Variants in PRKACB observed in about 807,000 individuals in gnomAD.
PRKACB encodes cAMP-dependent protein kinase catalytic subunit beta.
Under a neutral mutation model 51.4 loss-of-function variants are expected in PRKACB, and 16 were observed. The observed-to-expected ratio is 0.31, with a 90% CI of 0.21 to 0.47. The LOEUF is 0.47. Ranked by LOEUF, PRKACB falls within the 20% of genes least tolerant of loss-of-function variation. PRKACB has a pLI of 1.00. For synonymous variants in PRKACB, 147 were observed against 154.4 expected (o/e 0.95, Z 0.35); for missense variants, 309 against 464.5 (o/e 0.67, Z 3.08).
chr1:84,156,499 T>A (rs1655521741), intron 1 of PRKACB, among the ~76,000 whole-genome samples: 1 of 152,164 alleles, frequency 6.6e-6, no homozygotes, highest in Non-Finnish European at 1.5e-5. Flanking sequence ...ATTTCCTTAA[T>A]TTATACTCAT....
At chr1:84,210,354 T>C (rs1671945176) in intron 8 of PRKACB, among the ~76,000 whole-genome samples, 1 of 152,200 alleles carries the variant, frequency 6.6e-6, no homozygotes, top group African/African-American at 2.4e-5. Context: ...ATGATGCCAG[T>C]TTCCCATAAC....
intron 3 of PRKACB, 30 bp downstream of exon 3, chr1:84,182,358 G>A (rs1200323328): frequency 1.3e-6 from 2 of 1,484,272 alleles, no homozygotes; most frequent in Non-Finnish European, 1.8e-6. Flanking sequence ...TTTACCTTCA[G>A]GGTAAACTTT....
intron 1 of PRKACB, among the ~76,000 whole-genome samples, chr1:84,169,805 T>C (rs1165385162): frequency 6.6e-6 from 1 of 151,594 alleles, no homozygotes; most frequent in African/African-American, 2.4e-5. Context: ...TGCCAATGCC[T>C]AAATACATCC....
At chr1:84,099,427 G>A (rs12134236) in intron 1 of PRKACB, among the ~76,000 whole-genome samples, 11,915 of 151,734 alleles carry the variant, frequency 0.079, 659 homozygotes, top group Non-Finnish European at 0.11. Flanking sequence ...ATTTATTTTT[G>A]AATTTAAAAT....
At chr1:84,205,731 T>C (rs1224905428) in intron 8 of PRKACB, among the ~76,000 whole-genome samples, 6 of 152,122 alleles carry the variant, frequency 3.9e-5, no homozygotes, top group Non-Finnish European at 8.8e-5. Flanking sequence ...ATATTTTAAC[T>C]CAAGCTGGTA....
intron 6 of PRKACB, 53 bp downstream of exon 6, chr1:84,196,795 C>A: frequency 6.6e-7 from 1 of 1,507,252 alleles, no homozygotes; most frequent in South Asian, 1.3e-5. Flanking sequence ...CTAGGCAAGA[C>A]ATTGTATGTA....
At chr1:84,103,896 A>G (rs569772934) in intron 1 of PRKACB, among the ~76,000 whole-genome samples, 2 of 152,330 alleles carry the variant, frequency 1.3e-5, no homozygotes, top group African/African-American at 4.8e-5. Flanking sequence ...ATATTTTGAT[A>G]CATATGTAAT....
chr1:84,202,833 CTT>C (rs1558263440), intron 8 of PRKACB, 28 bp downstream of exon 8: 3 of 1,534,710 alleles, frequency 2.0e-6, no homozygotes, highest in South Asian at 1.2e-5. Context: ...TTATTCCTCT[CTT>C]ATTACTGTAT....
chr1:84,189,056 T>C (rs1666002039), intron 5 of PRKACB, among the ~76,000 whole-genome samples: 1 of 151,944 alleles, frequency 6.6e-6, no homozygotes, highest in African/African-American at 2.4e-5. Flanking sequence ...TGATAAAATA[T>C]AAAATCTAGT....
At chr1:84,151,359 G>T (rs555635870) in intron 1 of PRKACB, among the ~76,000 whole-genome samples, 2 of 152,216 alleles carry the variant, frequency 1.3e-5, no homozygotes, top group African/African-American at 2.4e-5. Flanking sequence ...TTTGCTGGTG[G>T]AGGGTCTTGC....
intron 1 of PRKACB, among the ~76,000 whole-genome samples, chr1:84,148,851 A>G (rs948378192): frequency 1.3e-5 from 2 of 152,208 alleles, no homozygotes; most frequent in African/African-American, 4.8e-5. Flanking sequence ...CAACTGTACT[A>G]ACATAACGAG....
At chr1:84,113,341 T>A (rs1296811350) in intron 1 of PRKACB, among the ~76,000 whole-genome samples, 3 of 152,094 alleles carry the variant, frequency 2.0e-5, no homozygotes, top group Admixed American at 6.5e-5. Context: ...CACTTATACA[T>A]GTTCAAAAGG....
At chr1:84,108,599 C>T (rs1021490) in intron 1 of PRKACB, among the ~76,000 whole-genome samples, 68,777 of 151,716 alleles carry the variant, frequency 0.45, 16,629 homozygotes, top group Non-Finnish European at 0.56. Flanking sequence ...TTTATTTAAT[C>T]CACCCGAAGA....
chr1:84,238,255 A>G lies in PRKACB; in HGVS notation c.*2950A>G, dbSNP rs1209214072. 1 of 152,598 alleles carries G rather than the reference A, an allele frequency of 6.6e-6. No individual in the cohort carries two copies. The highest frequency in any genetic ancestry group is 1.9e-4 in the East Asian group (1 of 5,196). 9.5% of individuals were successfully genotyped at this position (152,598 alleles called of 1,614,324 possible). A position where few individuals can be genotyped will look rare whatever the true frequency, so the allele number is the denominator to read the frequency against. On this transcript the variant is annotated 3_prime_UTR_variant, in exon 10 of 10. Transcript: ENST00000370685. ...AATACTCATTGTAAGCCTGAAAAAA[A>G]AAATCTTTCCCACTGTTTTTTCTGC...
At position 84,192,713 on chromosome 1, in the gene PRKACB, C is replaced by CT. The variant is rs138704485; in HGVS notation, c.561-3901dup. On this transcript the variant is annotated intron_variant, in intron 5 of 9. Transcript: ENST00000370685. ...TTAAGATATCAGTTGAGATATGAGT[C>CT]TTATTTGGAGTATATGATTTTGTCA... Among the ~76,000 whole-genome samples the CT allele has an allele frequency of 1.7e-4, 26 of 152,172 alleles. No homozygotes were observed. In the East Asian group the frequency reaches 4.6e-3, roughly 27 times the overall value.
intron 5 of PRKACB, among the ~76,000 whole-genome samples, chr1:84,186,917 T>C (rs1025362218): frequency 6.6e-6 from 1 of 152,188 alleles, no homozygotes; most frequent in African/African-American, 2.4e-5. Flanking sequence ...TCTTTAAGTG[T>C]TGGGCTAACG....
intron 9 of PRKACB, 76 bp from the exon 10 acceptor site, chr1:84,235,104 T>C: frequency 6.8e-7 from 1 of 1,466,550 alleles, no homozygotes; most frequent in Non-Finnish European, 9.3e-7. Flanking sequence ...AGTGGGAATT[T>C]ATTTTTCTTG....
chr1:84,106,892 G>A (rs1649799425), intron 1 of PRKACB, among the ~76,000 whole-genome samples: 1 of 152,044 alleles, frequency 6.6e-6, no homozygotes, highest in African/African-American at 2.4e-5. Flanking sequence ...GCATAGTACT[G>A]GTATAAAAAC....
intron 1 of PRKACB, among the ~76,000 whole-genome samples, chr1:84,088,280 T>A (rs1268956803): frequency 6.6e-6 from 1 of 152,178 alleles, no homozygotes; most frequent in Non-Finnish European, 1.5e-5. Flanking sequence ...TTCAGGGACA[T>A]CTGAAACTTG....
Sources: allele counts gnomAD v4.1 joint callset (sites outside exome capture counted in the v4.1 genomes callset), GRCh38; gene constraint gnomAD v4.1.1; transcripts MANE v1.5; gene names NCBI Gene and HGNC (gene_info 2026-07-23, HGNC 2026-07-21).